ZBTB7C: variants seen among roughly 807,000 people sequenced by gnomAD.
ZBTB7C encodes the protein zinc finger and BTB domain-containing protein 7C.
ZBTB7C carries 8 observed loss-of-function variants against 25.7 expected under a neutral mutation model. The ratio of observed to expected loss-of-function variants is 0.31; its 90% CI spans 0.18 to 0.56. ZBTB7C has a LOEUF of 0.56. Among genes scored for constraint, ZBTB7C ranks in the 20% least tolerant of loss-of-function variants. The pLI is 0.91. For missense variants in ZBTB7C, 824 were observed against 855.2 expected, an observed-to-expected ratio of 0.96 and a Z score of 0.46; for synonymous variants, 394 against 369.0, an observed-to-expected ratio of 1.07 and a Z score of -0.78.
At chr18:48,234,501 C>T (rs2043329267) in intron 2 of ZBTB7C, among the ~76,000 whole-genome samples, 1 of 152,160 alleles carries the variant, frequency 6.6e-6, no homozygotes, top group African/African-American at 2.4e-5. Flanking sequence ...TATATAAGTA[C>T]ATGTGTACAT....
At chr18:48,340,416 G>C (rs543142295) in intron 1 of ZBTB7C, among the ~76,000 whole-genome samples, 1 of 152,352 alleles carries the variant, frequency 6.6e-6, no homozygotes, top group Non-Finnish European at 1.5e-5. Flanking sequence ...TTCAGGCTCA[G>C]GGAAGAGCAG....
chr18:48,266,599 C>T (rs2144544996), intron 2 of ZBTB7C, among the ~76,000 whole-genome samples: 1 of 152,312 alleles, frequency 6.6e-6, no homozygotes, highest in African/African-American at 2.4e-5. Flanking sequence ...ATTGCAATAG[C>T]AGTGCTGCTC....
intron 1 of ZBTB7C, among the ~76,000 whole-genome samples, chr18:48,350,767 A>T (rs565215226): frequency 6.6e-6 from 1 of 152,192 alleles, no homozygotes; most frequent in East Asian, 1.9e-4. Flanking sequence ...AGCAGTATGT[A>T]TAATTTTTAC....
intron 2 of ZBTB7C, among the ~76,000 whole-genome samples, chr18:48,284,810 A>AC (rs2044990216): frequency 3.2e-5 from 3 of 92,498 alleles, no homozygotes; most frequent in Non-Finnish European, 7.0e-5. Context: ...AAAAAAAAAA[A>AC]ACAGAGAGAG....
At position 48,247,738 on chromosome 18, in the gene ZBTB7C, C is replaced by T. The variant is rs561081918; in HGVS notation, c.-78-61743G>A. ...AGACCAGGCTGAGGTAATTGGATCACGGGGGTAGTTTCCCCCATGTTGTTC... is the reference window on the plus strand; with the variant it reads ...AGACCAGGCTGAGGTAATTGGATCATGGGGGTAGTTTCCCCCATGTTGTTC... On this transcript the variant is annotated intron_variant, in intron 2 of 4. Coordinates refer to ENST00000590800, the MANE Select transcript of ZBTB7C (RefSeq NM_001318841.2). Among the ~76,000 whole-genome samples, 9 of 152,252 alleles carry T rather than the reference C, an allele frequency of 5.9e-5. No homozygotes were observed. In the South Asian group the frequency reaches 8.3e-4, roughly 14 times the overall value.
upstream of ZBTB7C, among the ~76,000 whole-genome samples, chr18:48,411,110 G>A (rs1397982620): frequency 1.3e-5 from 2 of 152,156 alleles, no homozygotes; most frequent in Non-Finnish European, 2.9e-5. Flanking sequence ...AGTACGTTGG[G>A]AGTAGTGAAA....
intron 2 of ZBTB7C, among the ~76,000 whole-genome samples, chr18:48,311,346 TA>T (rs879645491): frequency 2.6e-5 from 4 of 151,204 alleles, no homozygotes; most frequent in Non-Finnish European, 5.9e-5. Flanking sequence ...AATGAAGAAA[TA>T]AAAAAAAATG....
intron 4 of ZBTB7C, among the ~76,000 whole-genome samples, chr18:48,036,835 C>A (rs1237366288): frequency 6.6e-6 from 1 of 152,132 alleles, no homozygotes; most frequent in Non-Finnish European, 1.5e-5. Flanking sequence ...AATAAGGTCC[C>A]CGTGGAAAGG....
At chr18:48,108,712 A>G (rs1418735362) in intron 3 of ZBTB7C, among the ~76,000 whole-genome samples, 1 of 152,112 alleles carries the variant, frequency 6.6e-6, no homozygotes, top group Non-Finnish European at 1.5e-5. Context: ...TTGGAATTAC[A>G]GGCATGAGCC....
chr18:48,274,315 C>A (rs1249522503), intron 2 of ZBTB7C, among the ~76,000 whole-genome samples: 1 of 152,164 alleles, frequency 6.6e-6, no homozygotes, highest in Non-Finnish European at 1.5e-5. Context: ...ATATTTTGAA[C>A]TTGAATCTTG....
intron 3 of ZBTB7C, among the ~76,000 whole-genome samples, chr18:48,107,993 T>C (rs954116307): frequency 6.6e-6 from 1 of 152,192 alleles, no homozygotes; most frequent in East Asian, 1.9e-4. Context: ...TCTCCCCTCA[T>C]GAAGATAAAA....
At position 48,032,437 on chromosome 18, in the gene ZBTB7C, T is replaced by C. The variant is rs1194815256; in HGVS notation, c.1209-2526A>G. On this transcript the variant is annotated intron_variant, in intron 4 of 4. Coordinates refer to ENST00000590800, the MANE Select transcript of ZBTB7C (RefSeq NM_001318841.2). ...GACAAGGTAGGTTTTTTTTTTTTTTTTTTTTTTTTTTTTTTGAGACGGAGT... is the reference window on the plus strand; with the variant it reads ...GACAAGGTAGGTTTTTTTTTTTTTTCTTTTTTTTTTTTTTTGAGACGGAGT... Among the ~76,000 whole-genome samples, 3 of 125,920 alleles carry C rather than the reference T, an allele frequency of 2.4e-5. No homozygotes were observed. The East Asian group carries it at 6.6e-4, about 28-fold the overall frequency. The allele number at this position is 125,920 out of a possible 152,430, so 82.6% of individuals were successfully genotyped here.
chr18:48,142,428 C>T (rs909178838), intron 3 of ZBTB7C, among the ~76,000 whole-genome samples: 1 of 152,178 alleles, frequency 6.6e-6, no homozygotes, highest in Non-Finnish European at 1.5e-5. Context: ...GGGTTGTTCT[C>T]TCTGTGGGAA....
chr18:48,239,117 C>T (rs1233155388), intron 2 of ZBTB7C, among the ~76,000 whole-genome samples: 1 of 152,146 alleles, frequency 6.6e-6, no homozygotes, highest in African/African-American at 2.4e-5. Context: ...AAAAATAACT[C>T]CATTGGCCTG....
chr18:48,136,991 G>A (rs2040191012), intron 3 of ZBTB7C: 1 of 985,024 alleles, frequency 1.0e-6, no homozygotes, highest in Non-Finnish European at 1.2e-6. Flanking sequence ...GCGGGCCGAG[G>A]CCGCCGCAGA....
intron 1 of ZBTB7C, among the ~76,000 whole-genome samples, chr18:48,398,257 G>T (rs1362875907): frequency 6.6e-6 from 1 of 152,214 alleles, no homozygotes; most frequent in Non-Finnish European, 1.5e-5. Flanking sequence ...AGCCCCCTCT[G>T]TCCACAGGGC....
At chr18:48,113,835 C>G (rs2039331326) in intron 3 of ZBTB7C, among the ~76,000 whole-genome samples, 1 of 152,192 alleles carries the variant, frequency 6.6e-6, no homozygotes, top group Non-Finnish European at 1.5e-5. Context: ...AGGGTGCACT[C>G]CAGGAAGCAG....
At chr18:48,347,877 C>G (rs906357446) in intron 1 of ZBTB7C, among the ~76,000 whole-genome samples, 2 of 152,138 alleles carry the variant, frequency 1.3e-5, no homozygotes, top group Non-Finnish European at 2.9e-5. Context: ...CACCTTGAGA[C>G]CAGGGTGGGA....
intron 3 of ZBTB7C, among the ~76,000 whole-genome samples, chr18:48,128,059 C>A (rs577892417): frequency 5.1e-4 from 78 of 152,320 alleles, no homozygotes; most frequent in African/African-American, 1.9e-3. Context: ...TGGGTCATAC[C>A]TACTGTTACC....
Sources: gnomAD v4.1 joint callset for allele counts (sites outside exome capture counted in the v4.1 genomes callset) on GRCh38, gnomAD v4.1.1 for gene constraint, MANE v1.5 for transcripts, NCBI Gene and HGNC (gene_info 2026-07-23, HGNC 2026-07-21) for gene names.